The following LINGO2 variants were observed in gnomAD, a reference collection of about 807,000 sequenced individuals.
LINGO2 encodes leucine-rich repeat and immunoglobulin-like domain-containing nogo receptor-interacting protein 2.
In LINGO2, 14 loss-of-function variants were observed where a neutral mutation model predicts 30.6. The ratio of observed to expected loss-of-function variants is 0.46; its 90% confidence interval spans 0.30 to 0.72. LINGO2 has a LOEUF of 0.72. Among genes scored for constraint, LINGO2 ranks in the 30% least tolerant of loss-of-function variants. The pLI is 0.07. For missense variants in LINGO2, 729 were observed against 751.7 expected, an observed-to-expected ratio of 0.97 and a Z score of 0.35; for synonymous variants, 317 against 288.5, an observed-to-expected ratio of 1.10 and a Z score of -1.00.
At chr9:28,884,683 T>TATAG in the LINGO2 span, among the ~76,000 whole-genome samples, 1 of 74,598 alleles carries the variant, frequency 1.3e-5, no homozygotes, top group Non-Finnish European at 2.7e-5. Flanking sequence ...TATATATATA[T>TATAG]AGTGTATGTA....
intron 3 of LINGO2, among the ~76,000 whole-genome samples, chr9:28,320,594 TGGGGTC>T (rs1386478179): frequency 6.6e-6 from 1 of 152,096 alleles, no homozygotes; most frequent in East Asian, 1.9e-4. Context: ...GTTCTAGGGA[TGGGGTC>T]AGGAATATAA....
the LINGO2 span, among the ~76,000 whole-genome samples, chr9:28,988,160 G>A: frequency 2.6e-5 from 4 of 152,006 alleles, no homozygotes; most frequent in African/African-American, 9.7e-5. Flanking sequence ...GCAATATAGT[G>A]TATCTCTCCC....
chr9:28,313,569 T>G (rs1343829696), intron 3 of LINGO2, among the ~76,000 whole-genome samples: 8 of 152,164 alleles, frequency 5.3e-5, no homozygotes, highest in Admixed American at 5.2e-4. Flanking sequence ...CTTTCAATCA[T>G]TGTCATCCCT....
intron 1 of LINGO2, among the ~76,000 whole-genome samples, chr9:28,524,007 C>A (rs1170984841): frequency 1.3e-5 from 2 of 151,732 alleles, no homozygotes; most frequent in Non-Finnish European, 2.9e-5. Context: ...AATCAGTGAA[C>A]TTCCAGATTT....
At chr9:28,452,030 A>G (rs1307080224) in intron 2 of LINGO2, among the ~76,000 whole-genome samples, 3 of 151,784 alleles carry the variant, frequency 2.0e-5, no homozygotes, top group Non-Finnish European at 4.4e-5. Context: ...ACACTAAAAA[A>G]TAAATTCTCA....
intron 4 of LINGO2, among the ~76,000 whole-genome samples, chr9:28,117,279 C>A (rs28816111): frequency 1.5e-4 from 22 of 150,256 alleles, no homozygotes; most frequent in African/African-American, 4.9e-4. Context: ...CTCAGATCTC[C>A]GGCTGCGTGC....
the LINGO2 span, among the ~76,000 whole-genome samples, chr9:29,182,793 C>A: frequency 6.6e-6 from 1 of 151,864 alleles, no homozygotes; most frequent in African/African-American, 2.4e-5. Context: ...AACTCTACAG[C>A]ATTTCATATT....
chr9:28,663,346 T>G (rs907468860), intron 1 of LINGO2, among the ~76,000 whole-genome samples: 6 of 152,090 alleles, frequency 3.9e-5, no homozygotes, highest in African/African-American at 1.4e-4. Context: ...AATTTTTGTA[T>G]TTCTAGTAGA....
At chr9:28,136,254 A>C (rs900131676) in intron 4 of LINGO2, among the ~76,000 whole-genome samples, 1 of 152,232 alleles carries the variant, frequency 6.6e-6, no homozygotes, top group African/African-American at 2.4e-5. Flanking sequence ...GTTGATAATC[A>C]AGGCTGTTGC....
chr9:28,896,938 T>C, the LINGO2 span, among the ~76,000 whole-genome samples: 5 of 152,138 alleles, frequency 3.3e-5, no homozygotes, highest in Non-Finnish European at 5.9e-5. Context: ...GGAGCAAAGA[T>C]GGCTTTATAA....
intron 5 of LINGO2, among the ~76,000 whole-genome samples, chr9:27,984,167 G>T (rs1255232496): frequency 6.6e-6 from 1 of 151,860 alleles, no homozygotes; most frequent in East Asian, 1.9e-4. Context: ...GCTAGCTTGA[G>T]TAGTTTTGAA....
the LINGO2 span, among the ~76,000 whole-genome samples, chr9:29,206,946 T>C: frequency 6.6e-6 from 1 of 152,034 alleles, no homozygotes; most frequent in Non-Finnish European, 1.5e-5. Context: ...TTGCAATCCA[T>C]AATCATAAGC....
At chr9:28,371,649 T>TG (rs1179747419) in intron 3 of LINGO2, among the ~76,000 whole-genome samples, 15 of 152,206 alleles carry the variant, frequency 9.9e-5, no homozygotes, top group Non-Finnish European at 1.9e-4. Flanking sequence ...AGGGCTACGC[T>TG]GTACCTTTAT....
the LINGO2 span, among the ~76,000 whole-genome samples, chr9:28,883,628 G>GTGTGTATGTA: frequency 0.062 from 3,947 of 64,040 alleles, 672 homozygotes; most frequent in South Asian, 0.14. Flanking sequence ...ATGTGTGTGT[G>GTGTGTATGTA]TATATATATA....
chr9:28,575,194 G>A lies in LINGO2; in HGVS notation c.-365+95006C>T, dbSNP rs535504285. ...CGAGGCAGGTGGATCATGAGGTCAC[G>A]AGTTCAAGACCAGCCTGGCCAAGAT... On this transcript the variant is annotated intron_variant, in intron 1 of 5. Coordinates refer to ENST00000379992, the Ensembl canonical transcript of LINGO2. Among the ~76,000 whole-genome samples, 9 of 152,078 alleles carry A rather than the reference G, an allele frequency of 5.9e-5. No homozygotes were observed. In the East Asian group the frequency reaches 9.7e-4, roughly 16 times the overall value.
At chr9:28,488,773 G>C (rs1300850896) in intron 1 of LINGO2, among the ~76,000 whole-genome samples, 1 of 152,096 alleles carries the variant, frequency 6.6e-6, no homozygotes, top group Non-Finnish European at 1.5e-5. Flanking sequence ...TCTCATCAGA[G>C]CTATCTTTCC....
At chr9:28,437,549 GCACACA>G (rs58406750) in intron 2 of LINGO2, among the ~76,000 whole-genome samples, 1,747 of 147,158 alleles carry the variant, frequency 0.012, 48 homozygotes, top group East Asian at 0.097. Flanking sequence ...ACACACAGAC[GCACACA>G]CACACACACA....
chr9:28,971,169 C>G, the LINGO2 span, among the ~76,000 whole-genome samples: 18 of 152,158 alleles, frequency 1.2e-4, no homozygotes, highest in African/African-American at 4.1e-4. Context: ...GGAAAAAACC[C>G]AGTCCTGACA....
intron 4 of LINGO2, among the ~76,000 whole-genome samples, chr9:28,029,648 C>A (rs938143876): frequency 2.6e-5 from 4 of 151,968 alleles, no homozygotes; most frequent in Non-Finnish European, 5.9e-5. Flanking sequence ...ATAACTGATA[C>A]GTTTAAGAAT....
Sources: allele counts gnomAD v4.1 joint callset (sites outside exome capture counted in the v4.1 genomes callset), GRCh38; gene constraint gnomAD v4.1.1; transcripts MANE v1.5; gene names NCBI Gene and HGNC (gene_info 2026-07-23, HGNC 2026-07-21).